Variants in ADGRL3 observed in about 807,000 individuals in gnomAD.
The protein encoded by ADGRL3 is adhesion G protein-coupled receptor L3.
Under a neutral mutation model 153.5 loss-of-function variants are expected in ADGRL3, and 62 were observed. That is an observed-to-expected ratio of 0.40 (90% confidence interval 0.33 to 0.50). The LOEUF is 0.50. Ranked by LOEUF, ADGRL3 falls within the 20% of genes least tolerant of loss-of-function variation. The pLI, the probability that ADGRL3 is intolerant of heterozygous loss-of-function variation, is 0.47. For missense variants in ADGRL3, 1,641 were observed against 1,859.4 expected (o/e 0.88, Z 2.16); for synonymous variants, 710 against 672.5 (o/e 1.06, Z -0.86).
intron 1 of ADGRL3, among the ~76,000 whole-genome samples, chr4:61,328,379 G>T (rs565867539): frequency 6.6e-6 from 1 of 152,130 alleles, no homozygotes; most frequent in African/African-American, 2.4e-5. Flanking sequence ...CCCAGTGATT[G>T]GTTATATGCA....
At chr4:61,582,734 G>A (rs138124655) in intron 4 of ADGRL3, among the ~76,000 whole-genome samples, 47 of 151,876 alleles carry the variant, frequency 3.1e-4, no homozygotes, top group Admixed American at 8.5e-4. Flanking sequence ...AATTATTTAC[G>A]TTCCCTTCCC....
intron 21 of ADGRL3, among the ~76,000 whole-genome samples, chr4:62,010,712 T>C (rs1020915606): frequency 6.6e-6 from 1 of 151,940 alleles, no homozygotes; most frequent in Non-Finnish European, 1.5e-5. Flanking sequence ...AAAGGGAACA[T>C]TTAATTATTG....
chr4:61,992,371 C>T (rs144280710), intron 19 of ADGRL3, among the ~76,000 whole-genome samples: 1,706 of 152,268 alleles, frequency 0.011, 12 homozygotes, highest in Non-Finnish European at 0.017. Context: ...TATGTATACA[C>T]CCCACATAAC....
At chr4:61,645,426 G>A (rs527867874) in intron 5 of ADGRL3, among the ~76,000 whole-genome samples, 2 of 150,912 alleles carry the variant, frequency 1.3e-5, no homozygotes, top group Admixed American at 1.3e-4. Flanking sequence ...GCTGGTACCG[G>A]TTGTTCCTTT....
intron 21 of ADGRL3, among the ~76,000 whole-genome samples, chr4:62,014,338 A>G (rs961749619): frequency 2.0e-5 from 3 of 152,102 alleles, no homozygotes; most frequent in Non-Finnish European, 4.4e-5. Flanking sequence ...CCCAAAAATG[A>G]AGTTTAGGGT....
chr4:61,726,210 G>GTTTTTGTTTTTTTTTTTTTTTTTTTTTTT (rs2096336878), intron 6 of ADGRL3, among the ~76,000 whole-genome samples: 1 of 118,480 alleles, frequency 8.4e-6, no homozygotes. Flanking sequence ...TTTTTTTTTT[G>GTTTTTGTTTTTTTTTTTTTTTTTTTTTTT]TTTTTTGAGA....
chr4:61,820,157 G>A (rs1290078192), intron 9 of ADGRL3, among the ~76,000 whole-genome samples: 1 of 152,158 alleles, frequency 6.6e-6, no homozygotes, highest in African/African-American at 2.4e-5. Flanking sequence ...GGAAAATATA[G>A]TAACAAGTTA....
intron 2 of ADGRL3, among the ~76,000 whole-genome samples, chr4:61,408,676 T>C (rs1181203369): frequency 6.6e-6 from 1 of 151,994 alleles, no homozygotes; most frequent in Non-Finnish European, 1.5e-5. Flanking sequence ...TTATACAGAG[T>C]ACAAAAGAAT....
At chr4:62,064,670 G>GTT (rs879536487) in intron 25 of ADGRL3, among the ~76,000 whole-genome samples, 2 of 144,048 alleles carry the variant, frequency 1.4e-5, no homozygotes, top group African/African-American at 2.5e-5. Flanking sequence ...ATCTTTGGTT[G>GTT]TTTTTTTTTT....
At chr4:61,552,387 T>C (rs2148827417) in intron 4 of ADGRL3, among the ~76,000 whole-genome samples, 1 of 152,308 alleles carries the variant, frequency 6.6e-6, no homozygotes, top group Non-Finnish European at 1.5e-5. Context: ...ACTGGGTGAG[T>C]ACCACAAAAC....
At chr4:61,841,736 C>CTGCTGAATGCCCATAAGAATACTAAATCG (rs2098035606) in intron 9 of ADGRL3, among the ~76,000 whole-genome samples, 1 of 152,142 alleles carries the variant, frequency 6.6e-6, no homozygotes, top group African/African-American at 2.4e-5. Flanking sequence ...ATAATTTCCA[C>CTGCTGAATGCCCATAAGAATACTAAATCG]TGCTGAATGC....
Position 61,572,474 on chromosome 4 carries a change from CCAGATGTCATAA to C in ADGRL3, c.260-14750_260-14739del, listed in dbSNP as rs1253389469. 5.9e-5 allele frequency among the ~76,000 whole-genome samples: 9 copies of C among 151,760 alleles called. No individual in the cohort carries two copies. The East Asian group carries it at 1.7e-3, about 29-fold the overall frequency. ...GACTTACTTAAAATTCTTCGTGTACCCAGATGTCATAACATGAGAAAGGAAACACAATATTAA... is the reference window on the plus strand; with the variant it reads ...GACTTACTTAAAATTCTTCGTGTACCCATGAGAAAGGAAACACAATATTAA... On this transcript the variant is annotated intron_variant, in intron 4 of 26. Coordinates refer to ENST00000683033, the MANE Select transcript of ADGRL3 (RefSeq NM_001387552.1).
intron 21 of ADGRL3, among the ~76,000 whole-genome samples, chr4:62,022,856 C>T (rs1328924881): frequency 6.6e-6 from 1 of 151,850 alleles, no homozygotes. Flanking sequence ...CACCCAAGAG[C>T]TCTGATAGAG....
At position 62,070,291 on chromosome 4, in the gene ADGRL3, T is replaced by C. The variant is rs1745177511; in HGVS notation, c.4015T>C (p.Ser1339Pro). The change falls in exon 27 of 27, where the codon TCC (serine) becomes CCC (proline). Residue 1339 changes from serine (S) to proline (P), a missense_variant. Ser to Pro is a moderately conservative substitution (Grantham distance 74, BLOSUM62 -1). Transcript: ENST00000683033. ...GAAAAAGATTCTGAAGGAACTCACT[T>C]CCAACTATATCCCTTCTTACCTGAA... The part of the protein sequence containing the change: ...LEKKILKELT[S>P]NYIPSYLNNH... 1 of 1,571,444 alleles carries C rather than the reference T, an allele frequency of 6.4e-7. No individual in the cohort carries two copies. Among genetic ancestry groups the C allele is most frequent in the African/African-American group, 1.4e-5 (1 of 73,728 alleles).
At chr4:61,503,008 AG>A (rs777719417) in intron 3 of ADGRL3, among the ~76,000 whole-genome samples, 4 of 152,202 alleles carry the variant, frequency 2.6e-5, no homozygotes, top group Non-Finnish European at 2.9e-5. Context: ...ATGATATATG[AG>A]GTTACTGCTA....
intron 1 of ADGRL3, among the ~76,000 whole-genome samples, chr4:61,300,216 A>G (rs761673021): frequency 3.3e-5 from 5 of 152,198 alleles, no homozygotes; most frequent in African/African-American, 4.8e-5. Flanking sequence ...CAATGTTTCA[A>G]TACAAATGTG....
At position 61,935,944 on chromosome 4, in the gene ADGRL3, G is replaced by C. The variant is rs752663459; in HGVS notation, c.2318G>C (p.Ser773Thr). Residue 773 changes from serine (S) to threonine (T), a missense_variant, in exon 15 of 27, where the codon AGC becomes ACC. By Grantham distance (58) the Ser-to-Thr change is moderately conservative. Coordinates refer to ENST00000683033, the MANE Select transcript of ADGRL3 (RefSeq NM_001387552.1). Reference sequence around the variant, plus strand: ...ACAGAATTGGAAGTTGCAAGACTGAGCACAGAAGGAAACTTAGAAGACCTA... The same window carrying C: ...ACAGAATTGGAAGTTGCAAGACTGACCACAGAAGGAAACTTAGAAGACCTA... ...DNIKLEVARLSTEGNLEDLKF... is the reference protein window; with the variant it reads ...DNIKLEVARLTTEGNLEDLKF... 3.8e-6 allele frequency: 6 copies of C among 1,596,010 alleles called. No homozygotes were observed. Among genetic ancestry groups the C allele is most frequent in the African/African-American group, 1.3e-5 (1 of 74,620 alleles).
intron 5 of ADGRL3, among the ~76,000 whole-genome samples, chr4:61,625,537 C>T (rs765040799): frequency 8.6e-5 from 13 of 151,994 alleles, no homozygotes; most frequent in Non-Finnish European, 1.5e-4. Flanking sequence ...TATAATTTCT[C>T]TCTATACAAC....
chr4:61,463,500 C>G (rs916524960), intron 2 of ADGRL3, among the ~76,000 whole-genome samples: 1 of 152,120 alleles, frequency 6.6e-6, no homozygotes, highest in Non-Finnish European at 1.5e-5. Flanking sequence ...GGGAAATCTG[C>G]CCCATGATCC....
Sources: gnomAD v4.1 joint callset for allele counts (sites outside exome capture counted in the v4.1 genomes callset) on GRCh38, gnomAD v4.1.1 for gene constraint, MANE v1.5 for transcripts, NCBI Gene and HGNC (gene_info 2026-07-23, HGNC 2026-07-21) for gene names.